Variants in CNTN4 observed in about 807,000 individuals in gnomAD.
CNTN4 encodes the protein contactin 4.
Under a neutral mutation model 122.5 loss-of-function variants are expected in CNTN4, and 77 were observed. The observed-to-expected ratio is 0.63, with a 90% CI of 0.52 to 0.76. The LOEUF (loss-of-function observed/expected upper bound fraction) is 0.76. Ranked by LOEUF, CNTN4 falls within the 30% of genes least tolerant of loss-of-function variation. CNTN4 has a pLI of 0.00. For missense variants in CNTN4, 1,256 were observed against 1,259.1 expected (o/e 1.00, Z 0.04); for synonymous variants, 512 against 447.0 (o/e 1.15, Z -1.83).
At chr3:2,687,875 G>A (rs184814177) in intron 4 of CNTN4, among the ~76,000 whole-genome samples, 4 of 152,232 alleles carry the variant, frequency 2.6e-5, no homozygotes, top group South Asian at 2.1e-4. Flanking sequence ...ACTCAAAGAG[G>A]CCAGGGCAGT....
intron 6 of CNTN4, among the ~76,000 whole-genome samples, chr3:2,808,161 C>A (rs976689780): frequency 4.6e-5 from 7 of 152,120 alleles, no homozygotes; most frequent in Non-Finnish European, 1.0e-4. Flanking sequence ...TTTTTCATGA[C>A]CAATTGTATG....
At chr3:2,818,094 T>G (rs914673150) in intron 6 of CNTN4, among the ~76,000 whole-genome samples, 2 of 152,226 alleles carry the variant, frequency 1.3e-5, no homozygotes, top group African/African-American at 4.8e-5. Context: ...TTAGGTGTTA[T>G]GTGTCAGACC....
chr3:2,255,790 A>T (rs907595595), intron 2 of CNTN4, among the ~76,000 whole-genome samples: 5 of 152,180 alleles, frequency 3.3e-5, no homozygotes, highest in African/African-American at 1.2e-4. Flanking sequence ...ATTTAAAGCA[A>T]TGTTTAGAGG....
intron 2 of CNTN4, among the ~76,000 whole-genome samples, chr3:2,277,406 G>A (rs2041556516): frequency 6.6e-6 from 1 of 151,950 alleles, no homozygotes; most frequent in Non-Finnish European, 1.5e-5. Flanking sequence ...ATATATATAT[G>A]GAGTGGAACA....
intron 14 of CNTN4, among the ~76,000 whole-genome samples, chr3:3,010,408 G>A (rs1321347810): frequency 1.3e-5 from 2 of 150,492 alleles, no homozygotes; most frequent in African/African-American, 4.9e-5. Context: ...TTGCTTTCCA[G>A]TATTTTAACA....
intron 3 of CNTN4, among the ~76,000 whole-genome samples, chr3:2,368,433 A>G (rs990840416): frequency 2.0e-5 from 3 of 152,094 alleles, no homozygotes; most frequent in African/African-American, 4.8e-5. Flanking sequence ...ACGTAGGTCA[A>G]TTGGACTCAA....
intron 23 of CNTN4, among the ~76,000 whole-genome samples, chr3:3,050,374 C>T (rs1168842312): frequency 6.6e-6 from 1 of 152,134 alleles, no homozygotes; most frequent in Non-Finnish European, 1.5e-5. Context: ...TGCTGTCTAA[C>T]TCCCTTGGTT....
chr3:2,372,469 A>G (rs1460758229), intron 3 of CNTN4, among the ~76,000 whole-genome samples: 1 of 152,220 alleles, frequency 6.6e-6, no homozygotes, highest in Non-Finnish European at 1.5e-5. Flanking sequence ...CTATGTCCAT[A>G]TGGGAAGTAT....
At chr3:2,575,809 C>CT (rs56303805) in intron 4 of CNTN4, among the ~76,000 whole-genome samples, 27 of 101,242 alleles carry the variant, frequency 2.7e-4, no homozygotes, top group Admixed American at 8.1e-4. Context: ...TCTTCTTCTT[C>CT]TTTTTTTTTT....
At chr3:2,781,786 G>A (rs1260250740) in intron 6 of CNTN4, among the ~76,000 whole-genome samples, 5 of 131,826 alleles carry the variant, frequency 3.8e-5, no homozygotes, top group Admixed American at 1.5e-4. Flanking sequence ...GGGCAGTAGC[G>A]CGATCTCTGC....
intron 6 of CNTN4, among the ~76,000 whole-genome samples, chr3:2,774,924 C>T (rs768905974): frequency 3.3e-5 from 5 of 152,208 alleles, no homozygotes; most frequent in Admixed American, 6.5e-5. Context: ...ATGTCAATTC[C>T]CTTTCAACCA....
intron 3 of CNTN4, among the ~76,000 whole-genome samples, chr3:2,418,154 T>C (rs2047485634): frequency 6.6e-6 from 1 of 152,122 alleles, no homozygotes; most frequent in Non-Finnish European, 1.5e-5. Context: ...GTGATAATGA[T>C]ATGTCAATGT....
At chr3:3,031,191 T>C (rs989822316) in intron 16 of CNTN4, among the ~76,000 whole-genome samples, 20 of 152,190 alleles carry the variant, frequency 1.3e-4, no homozygotes, top group African/African-American at 4.8e-4. Context: ...ATCCAGTAAC[T>C]TTACACTAGA....
intron 2 of CNTN4, among the ~76,000 whole-genome samples, chr3:2,183,762 A>G (rs956437309): frequency 3.3e-5 from 5 of 152,140 alleles, no homozygotes; most frequent in Non-Finnish European, 5.9e-5. Flanking sequence ...CATACATGGA[A>G]TGTCATATTT....
intron 14 of CNTN4, among the ~76,000 whole-genome samples, chr3:3,015,694 T>G (rs1437098437): frequency 1.3e-5 from 2 of 152,206 alleles, no homozygotes; most frequent in African/African-American, 2.4e-5. Flanking sequence ...GTCCAGAATA[T>G]TAATCCTTCC....
chr3:3,011,126 C>T (rs1278615222), intron 14 of CNTN4, among the ~76,000 whole-genome samples: 1 of 152,138 alleles, frequency 6.6e-6, no homozygotes, highest in African/African-American at 2.4e-5. Context: ...TTTCTAGCCT[C>T]AGGAGAATTA....
intron 3 of CNTN4, among the ~76,000 whole-genome samples, chr3:2,364,389 T>C (rs1481217551): frequency 6.6e-6 from 1 of 152,170 alleles, no homozygotes; most frequent in East Asian, 1.9e-4. Context: ...TTCTATTTTG[T>C]TGTTAATCTT....
At chr3:3,031,994 A>AT (rs1699204171) in intron 16 of CNTN4, among the ~76,000 whole-genome samples, 1 of 152,114 alleles carries the variant, frequency 6.6e-6, no homozygotes, top group African/African-American at 2.4e-5. Flanking sequence ...TCCTCTAGGC[A>AT]TAATGTAAGG....
intron 12 of CNTN4, among the ~76,000 whole-genome samples, chr3:2,910,111 G>C (rs1289532296): frequency 1.3e-5 from 2 of 152,218 alleles, no homozygotes; most frequent in East Asian, 3.8e-4. Flanking sequence ...AAAGCACACA[G>C]AATGTCTTGA....
Sources: gnomAD v4.1 joint callset for allele counts (sites outside exome capture counted in the v4.1 genomes callset) on GRCh38, gnomAD v4.1.1 for gene constraint, MANE v1.5 for transcripts, NCBI Gene and HGNC (gene_info 2026-07-23, HGNC 2026-07-21) for gene names.